Variants in ASCC3 observed in about 807,000 individuals in gnomAD.
ASCC3 encodes activating signal cointegrator 1 complex subunit 3, also known as ASC-1 complex subunit P200.
A neutral mutation model predicts 256.3 loss-of-function variants in ASCC3; 158 were observed. That is an observed-to-expected ratio of 0.62 (90% confidence interval 0.54 to 0.70). The LOEUF is 0.70. ASCC3 is among the 30% of genes least tolerant of loss of function. The pLI is 0.00. For synonymous variants in ASCC3, 948 were observed against 883.4 expected, an observed-to-expected ratio of 1.07 and a Z score of -1.30; for missense variants, 2,259 against 2,626.0, an observed-to-expected ratio of 0.86 and a Z score of 3.05.
intron 8 of ASCC3, among the ~76,000 whole-genome samples, chr6:100,777,740 GA>G (rs1782258016): frequency 6.6e-6 from 1 of 152,094 alleles, no homozygotes. Flanking sequence ...AATGTTGAAG[GA>G]ACTGTACAGA....
At chr6:100,875,585 T>C (rs1256381400) in intron 1 of ASCC3, among the ~76,000 whole-genome samples, 1 of 152,198 alleles carries the variant, frequency 6.6e-6, no homozygotes, top group African/African-American at 2.4e-5. Context: ...TTTCAAAAGC[T>C]GCATGAATGC....
At chr6:100,512,562 CA>C (rs1426862708) in intron 40 of ASCC3, 146 bp downstream of exon 40, 7 of 848,294 alleles carry the variant, frequency 8.3e-6, no homozygotes, top group South Asian at 1.4e-5. Flanking sequence ...TCACGAATTT[CA>C]AAAGACTAAC....
chr6:100,833,010 T>TA (rs1167886673), intron 4 of ASCC3, among the ~76,000 whole-genome samples: 1 of 152,014 alleles, frequency 6.6e-6, no homozygotes, highest in Non-Finnish European at 1.5e-5. Context: ...TTAATGAAAT[T>TA]AAAAATCTTA....
At chr6:100,740,338 T>G (rs1400101577) in intron 10 of ASCC3, among the ~76,000 whole-genome samples, 1 of 152,166 alleles carries the variant, frequency 6.6e-6, no homozygotes, top group Non-Finnish European at 1.5e-5. Context: ...TGTTGAGGAG[T>G]GTTTTACTTC....
At chr6:100,774,238 A>G (rs1364752925) in intron 8 of ASCC3, among the ~76,000 whole-genome samples, 2 of 152,094 alleles carry the variant, frequency 1.3e-5, no homozygotes, top group Non-Finnish European at 2.9e-5. Context: ...GCTCACTGCA[A>G]CCTCAAACTT....
At chr6:100,608,090 C>CTGTA (rs1773021885) in intron 30 of ASCC3, among the ~76,000 whole-genome samples, 1 of 71,622 alleles carries the variant, frequency 1.4e-5, no homozygotes, top group Non-Finnish European at 2.7e-5. Flanking sequence ...GTATATATAT[C>CTGTA]TATATACACA....
At chr6:100,599,355 A>G (rs1772473560) in intron 34 of ASCC3, among the ~76,000 whole-genome samples, 1 of 152,206 alleles carries the variant, frequency 6.6e-6, no homozygotes, top group Admixed American at 6.5e-5. Flanking sequence ...ACAATTGGCC[A>G]GTTCTCTTCA....
chr6:100,563,725 T>C (rs1770076088), intron 36 of ASCC3, among the ~76,000 whole-genome samples: 2 of 152,172 alleles, frequency 1.3e-5, no homozygotes, highest in African/African-American at 2.4e-5. Flanking sequence ...CTAAGGTTTT[T>C]TTATTAGAAC....
intron 9 of ASCC3, 36 bp from the exon 10 acceptor site, chr6:100,766,741 A>G (rs749060717): frequency 6.2e-7 from 1 of 1,613,298 alleles, no homozygotes; most frequent in South Asian, 1.1e-5. Flanking sequence ...TTAATGAGCA[A>G]AAACTACCAT....
At chr6:100,595,487 T>C (rs1772245403) in intron 34 of ASCC3, among the ~76,000 whole-genome samples, 1 of 152,184 alleles carries the variant, frequency 6.6e-6, no homozygotes, top group Non-Finnish European at 1.5e-5. Flanking sequence ...CATTTTTCCA[T>C]TTTTATCTAG....
At chr6:100,618,472 C>G (rs930155565) in intron 30 of ASCC3, among the ~76,000 whole-genome samples, 5 of 152,134 alleles carry the variant, frequency 3.3e-5, no homozygotes, top group African/African-American at 1.2e-4. Flanking sequence ...ATCAAATGGG[C>G]AAAATAACCA....
At chr6:100,645,563 A>C (rs925882419) in intron 22 of ASCC3, among the ~76,000 whole-genome samples, 6 of 152,148 alleles carry the variant, frequency 3.9e-5, no homozygotes, top group African/African-American at 1.4e-4. Flanking sequence ...CGTGTGAAAT[A>C]GGCACTGCTA....
intron 36 of ASCC3, among the ~76,000 whole-genome samples, chr6:100,573,957 G>A (rs1204354539): frequency 6.6e-6 from 1 of 152,052 alleles, no homozygotes; most frequent in Non-Finnish European, 1.5e-5. Context: ...GGATAGGCTG[G>A]TAACTCTTTG....
At chr6:100,841,229 A>G (rs1772130180) in intron 4 of ASCC3, among the ~76,000 whole-genome samples, 1 of 152,192 alleles carries the variant, frequency 6.6e-6, no homozygotes, top group Non-Finnish European at 1.5e-5. Flanking sequence ...AGTAAGGAAC[A>G]TCCTAGCCCT....
At chr6:100,786,199 A>G (rs1769069844) in intron 8 of ASCC3, among the ~76,000 whole-genome samples, 1 of 152,182 alleles carries the variant, frequency 6.6e-6, no homozygotes, top group South Asian at 2.1e-4. Flanking sequence ...ACTCTTAACA[A>G]TAACTCAACA....
At chr6:100,553,551 A>T (rs1443851067) in intron 36 of ASCC3, among the ~76,000 whole-genome samples, 4 of 152,028 alleles carry the variant, frequency 2.6e-5, no homozygotes, top group Non-Finnish European at 5.9e-5. Context: ...TGTAGGCTGG[A>T]CAGACTACTA....
At position 100,627,895 on chromosome 6, in the gene ASCC3, A is replaced by G; in HGVS notation, c.4468T>C (p.Ser1490Pro). Residue 1490 changes from serine (S) to proline (P), a missense_variant, in exon 28 of 42, where the codon TCT (serine) becomes CCT (proline). Physicochemically the swap from Ser to Pro is moderately conservative, Grantham distance 74. Around this residue, in one of 2 missense-constraint regions of ASCC3, gnomAD observed 1,839 missense variants for 2,206.7 expected, o/e 0.83. Coordinates refer to ENST00000369162, the MANE Select transcript of ASCC3 (RefSeq NM_006828.4). ...TCTCTGGCATTAGCTAATGCAGTAGATAGTCCAACTATTCTAACAGGCTTT... is the reference window on the plus strand; with the variant it reads ...TCTCTGGCATTAGCTAATGCAGTAGGTAGTCCAACTATTCTAACAGGCTTT... ...TEKPVRIVGL[S>P]TALANARDLA... 4 of 1,613,778 alleles carry G rather than the reference A, an allele frequency of 2.5e-6. No homozygotes were observed. The highest frequency in any genetic ancestry group is 8.5e-7 in the Non-Finnish European group (1 of 1,179,858).
At chr6:100,761,447 C>T (rs1189881289) in intron 10 of ASCC3, among the ~76,000 whole-genome samples, 3 of 152,144 alleles carry the variant, frequency 2.0e-5, no homozygotes, top group African/African-American at 2.4e-5. Context: ...ATTACTGTGC[C>T]ACTGTAGTCC....
At chr6:100,745,768 T>C (rs796720549) in intron 10 of ASCC3, among the ~76,000 whole-genome samples, 21 of 152,306 alleles carry the variant, frequency 1.4e-4, no homozygotes, top group African/African-American at 5.1e-4. Context: ...TTAACAGTCA[T>C]TTATGGCTAG....
Sources: gnomAD v4.1 joint callset for allele counts (sites outside exome capture counted in the v4.1 genomes callset) on GRCh38, gnomAD v4.1.1 for gene constraint, gnomAD v4.1.1 regional missense constraint, MANE v1.5 for transcripts, NCBI Gene and HGNC (gene_info 2026-07-23, HGNC 2026-07-21) for gene names.